STPG4: variants seen among roughly 807,000 people sequenced by gnomAD.
STPG4 encodes protein STPG4.
In STPG4, 41 loss-of-function variants were observed where a neutral mutation model predicts 31.5. That is an observed-to-expected ratio of 1.30 (90% CI 1.01 to 1.69). The LOEUF is 1.69. Ranked by LOEUF, STPG4 falls within the 40% of genes most tolerant of loss-of-function variation. STPG4 has a pLI of 0.00. For missense variants in STPG4, 375 were observed against 293.4 expected, an observed-to-expected ratio of 1.28 and a Z score of -2.03; for synonymous variants, 141 against 103.0, an observed-to-expected ratio of 1.37 and a Z score of -2.24.
At position 47,088,407 on chromosome 2, in the gene STPG4, G is replaced by A. The variant is rs190018287; in HGVS notation, c.625-1277C>T. Among the ~76,000 whole-genome samples, 123 of 152,354 alleles carry A rather than the reference G, an allele frequency of 8.1e-4. 2 individuals are homozygous for A. The highest frequency in any genetic ancestry group is 2.7e-3 in the African/African-American group (114 of 41,576). ...GTCCGAAGGCATTTGAGACACCAGT[G>A]TAATGGTTAAGATCAAGGGTTTTAG... On this transcript the variant is annotated intron_variant, in intron 6 of 6. Transcript: ENST00000445927.
chr2:47,093,296 G>C (rs1685607643), intron 5 of STPG4, among the ~76,000 whole-genome samples: 1 of 152,200 alleles, frequency 6.6e-6, no homozygotes, highest in South Asian at 2.1e-4. Context: ...TTTTCAAACT[G>C]ATGTATACGT....
intron 5 of STPG4, among the ~76,000 whole-genome samples, chr2:47,090,962 A>C (rs910946939): frequency 6.6e-6 from 1 of 152,232 alleles, no homozygotes; most frequent in African/African-American, 2.4e-5. Flanking sequence ...CAAACGTTCA[A>C]TGAGCAAACT....
chr2:47,124,987 A>T (rs1221186569), intron 5 of STPG4, among the ~76,000 whole-genome samples: 1 of 152,152 alleles, frequency 6.6e-6, no homozygotes, highest in African/African-American at 2.4e-5. Flanking sequence ...ATGATATCTC[A>T]TTGTAGTTTT....
intron 3 of STPG4, among the ~76,000 whole-genome samples, chr2:47,140,881 A>G (rs1040207584): frequency 1.4e-5 from 2 of 147,278 alleles, no homozygotes; most frequent in Non-Finnish European, 3.0e-5. Context: ...GGCAGGTACC[A>G]TATTTCCAGG....
At chr2:47,153,296 T>C (rs996796882) in intron 1 of STPG4, among the ~76,000 whole-genome samples, 11 of 152,118 alleles carry the variant, frequency 7.2e-5, no homozygotes, top group Admixed American at 5.9e-4. Context: ...TGTGACAAAA[T>C]GTGGTGTCCT....
At chr2:47,109,751 A>T (rs1406900327) in intron 5 of STPG4, among the ~76,000 whole-genome samples, 1 of 152,154 alleles carries the variant, frequency 6.6e-6, no homozygotes, top group African/African-American at 2.4e-5. Context: ...TGTGTTTATT[A>T]ATTCTTTTTC....
At chr2:47,110,857 A>G (rs1686019406) in intron 5 of STPG4, among the ~76,000 whole-genome samples, 1 of 152,204 alleles carries the variant, frequency 6.6e-6, no homozygotes, top group East Asian at 1.9e-4. Flanking sequence ...TGGCTGCCAA[A>G]TATTTTTTGG....
intron 5 of STPG4, among the ~76,000 whole-genome samples, chr2:47,118,161 G>A (rs368987442): frequency 3.3e-5 from 5 of 152,074 alleles, no homozygotes; most frequent in African/African-American, 7.2e-5. Flanking sequence ...AGGGGTGGGC[G>A]AGCAAGGGAG....
Position 47,155,304 on chromosome 2 carries a change from G to A in STPG4, c.-53C>T. The A allele has an allele frequency of 1.3e-6, 2 of 1,594,264 alleles. No homozygotes were observed. Among genetic ancestry groups the A allele is most frequent in the East Asian group, 4.5e-5 (2 of 44,630 alleles). ...CCTGAGCTCCGGTTGCTAGGAGGCG[G>A]GTGTGGCCCGTGGGCTCCCGAGCGC... On this transcript the variant is annotated 5_prime_UTR_variant, in exon 1 of 7. Transcript: ENST00000445927.
chr2:47,115,913 C>A (rs1352987911), intron 5 of STPG4, among the ~76,000 whole-genome samples: 2 of 152,172 alleles, frequency 1.3e-5, no homozygotes, highest in Non-Finnish European at 2.9e-5. Flanking sequence ...CTCGGGCTTC[C>A]AAATTGCTAG....
chr2:47,129,797 T>C, intron 5 of STPG4, 144 bp downstream of exon 5: 1 of 1,007,024 alleles, frequency 9.9e-7, no homozygotes, highest in South Asian at 1.8e-5. Flanking sequence ...TTTTCTTGTG[T>C]GGATAATTGT....
chr2:47,121,472 T>C (rs1686271246), intron 5 of STPG4, among the ~76,000 whole-genome samples: 1 of 151,980 alleles, frequency 6.6e-6, no homozygotes, highest in South Asian at 2.1e-4. Context: ...AACTGACATA[T>C]CCTAGAAAAA....
chr2:47,121,042 A>T (rs1686263201), intron 5 of STPG4: 1 of 153,480 alleles, frequency 6.5e-6, no homozygotes. Flanking sequence ...AGAAGCGTAA[A>T]TCCTTGCAGA....
rs187593610 is a variant in STPG4 at position 47,093,049 on chromosome 2, T to C, written c.520-2675A>G. 9.2e-5 allele frequency among the ~76,000 whole-genome samples: 14 copies of C among 152,236 alleles called. No homozygotes were observed. The East Asian group carries it at 2.5e-3, about 27-fold the overall frequency. On this transcript the variant is annotated intron_variant, in intron 5 of 6. Transcript: ENST00000445927. ...CTCATGATCTGCCCGCCTCAGCCTC[T>C]CAAAGTGCTGGGATTACAGGTGTGA...
At chr2:47,090,058 C>A (rs1336751719) in intron 6 of STPG4, among the ~76,000 whole-genome samples, 1 of 152,218 alleles carries the variant, frequency 6.6e-6, no homozygotes, top group Non-Finnish European at 1.5e-5. Context: ...TGGAGTCACT[C>A]TGAACCTGAA....
intron 6 of STPG4, among the ~76,000 whole-genome samples, chr2:47,087,939 G>A (rs1685494534): frequency 6.6e-6 from 1 of 151,916 alleles, no homozygotes; most frequent in South Asian, 2.1e-4. Context: ...ATTTTTAGTA[G>A]AGATGGGGTT....
At chr2:47,099,741 C>T (rs530744311) in intron 5 of STPG4, among the ~76,000 whole-genome samples, 4 of 152,332 alleles carry the variant, frequency 2.6e-5, no homozygotes, top group African/African-American at 9.6e-5. Context: ...GGGAGAGGCG[C>T]GAGTGGGAAC....
At chr2:47,095,009 C>T (rs569739165) in intron 5 of STPG4, among the ~76,000 whole-genome samples, 1 of 152,316 alleles carries the variant, frequency 6.6e-6, no homozygotes, top group South Asian at 2.1e-4. Context: ...TCTGGGGCAG[C>T]CCAGGGCAGC....
At chr2:47,123,616 A>G (rs1180879311) in intron 5 of STPG4, among the ~76,000 whole-genome samples, 2 of 152,230 alleles carry the variant, frequency 1.3e-5, no homozygotes, top group Non-Finnish European at 2.9e-5. Context: ...AGACCTAAAG[A>G]AAGTAAAGGA....
Sources: allele counts gnomAD v4.1 joint callset (sites outside exome capture counted in the v4.1 genomes callset), GRCh38; gene constraint gnomAD v4.1.1; transcripts MANE v1.5; gene names NCBI Gene and HGNC (gene_info 2026-07-23, HGNC 2026-07-21).